CBLN2: variants seen among roughly 807,000 people sequenced by gnomAD.
The protein encoded by CBLN2 is cerebellin-2.
A neutral mutation model predicts 15.0 loss-of-function variants in CBLN2; 7 were observed. The observed-to-expected ratio is 0.47, with a 90% CI of 0.27 to 0.88. The LOEUF (loss-of-function observed/expected upper bound fraction) is 0.88. Among genes scored for constraint, CBLN2 ranks in the 40% least tolerant of loss-of-function variants. The pLI, the probability that CBLN2 is intolerant of heterozygous loss-of-function variation, is 0.14. For missense variants in CBLN2, 242 were observed against 304.5 expected (o/e 0.79, Z 1.53); for synonymous variants, 149 against 135.2 (o/e 1.10, Z -0.71).
At chr18:72,608,110 A>G (rs1364471834) in intron 1 of CBLN2, among the ~76,000 whole-genome samples, 1 of 152,282 alleles carries the variant, frequency 6.6e-6, no homozygotes, top group East Asian at 1.9e-4. Flanking sequence ...TTAGAATTAT[A>G]TGTGGTGAAT....
intron 4 of CBLN2, 45 bp downstream of exon 4, chr18:72,538,608 A>C (rs1477536877): frequency 6.2e-7 from 1 of 1,609,384 alleles, no homozygotes; most frequent in East Asian, 2.2e-5. Flanking sequence ...GCAATGGGGA[A>C]CTATTAACTC....
intron 1 of CBLN2, among the ~76,000 whole-genome samples, chr18:72,592,151 C>T (rs908566855): frequency 2.0e-5 from 3 of 152,100 alleles, no homozygotes; most frequent in Admixed American, 1.3e-4. Flanking sequence ...TTTACATTCT[C>T]ATCAGCATTT....
intron 1 of CBLN2, among the ~76,000 whole-genome samples, chr18:72,562,749 TA>T (rs1316421616): frequency 6.6e-6 from 1 of 152,246 alleles, no homozygotes; most frequent in Non-Finnish European, 1.5e-5. Context: ...GTCTGCCAAG[TA>T]TAATTTAGGT....
upstream of CBLN2, among the ~76,000 whole-genome samples, chr18:72,545,369 T>C (rs2069151050): frequency 6.6e-6 from 1 of 152,238 alleles, no homozygotes; most frequent in Non-Finnish European, 1.5e-5. Flanking sequence ...TAACCTAGCA[T>C]GCAAAATAGT....
chr18:72,621,968 A>G (rs145933397), intron 1 of CBLN2, among the ~76,000 whole-genome samples: 43 of 152,310 alleles, frequency 2.8e-4, no homozygotes, highest in African/African-American at 9.9e-4. Context: ...CACATTAATT[A>G]CATTGGACTG....
At chr18:72,619,371 C>G (rs2069684631) in intron 1 of CBLN2, 3 of 512,090 alleles carry the variant, frequency 5.9e-6, no homozygotes, top group African/African-American at 5.8e-5. Context: ...GACAAATACT[C>G]ATGTGTATGG....
chr18:72,637,508 G>A (rs549772745), intron 1 of CBLN2, among the ~76,000 whole-genome samples: 1 of 152,324 alleles, frequency 6.6e-6, no homozygotes, highest in Admixed American at 6.5e-5. Flanking sequence ...AATAGAAAGC[G>A]ACAGCAGCGT....
intron 1 of CBLN2, among the ~76,000 whole-genome samples, chr18:72,585,315 A>G (rs573813537): frequency 4.6e-5 from 7 of 152,216 alleles, no homozygotes; most frequent in Non-Finnish European, 8.8e-5. Context: ...CCTGTCCTGC[A>G]TCCAGGAAGA....
intron 1 of CBLN2, among the ~76,000 whole-genome samples, chr18:72,622,822 T>C (rs1050473688): frequency 1.3e-5 from 2 of 152,166 alleles, no homozygotes; most frequent in Admixed American, 6.6e-5. Flanking sequence ...CTCCGTGTTA[T>C]CAGATTTTAT....
intron 1 of CBLN2, among the ~76,000 whole-genome samples, chr18:72,565,260 G>A (rs1237416026): frequency 6.6e-6 from 1 of 151,988 alleles, no homozygotes; most frequent in African/African-American, 2.4e-5. Flanking sequence ...TGTCATGGTA[G>A]TAATACATAT....
At chr18:72,619,753 T>C (rs2069687288) in intron 1 of CBLN2, among the ~76,000 whole-genome samples, 2 of 152,220 alleles carry the variant, frequency 1.3e-5, no homozygotes, top group African/African-American at 2.4e-5. Context: ...TTTTAAAATA[T>C]GTTTGTTGTC....
rs2069132456 is a variant in CBLN2, at chr18:72,543,302, T to G, written c.-167+184A>C. On this transcript the variant is annotated intron_variant, in intron 2 of 4. Transcript: ENST00000269503. The surrounding 1 kb of genome is among the most constrained non-coding windows in gnomAD (Gnocchi z 6.8). ...AGCCTCCCATTAACTCTTCCAGTAT[T>G]CTTTCTAAGAACAGAGAAGTTGGCT... The G allele has an allele frequency of 7.9e-6, 3 of 379,308 alleles. No homozygotes were observed. Among genetic ancestry groups the G allele is most frequent in the African/African-American group, 4.2e-5 (2 of 48,026 alleles). 23.5% of individuals were successfully genotyped at this position (379,308 alleles called of 1,614,324 possible).
intron 1 of CBLN2, among the ~76,000 whole-genome samples, chr18:72,573,350 G>A (rs116059448): frequency 0.013 from 2,003 of 152,184 alleles, 41 homozygotes; most frequent in African/African-American, 0.045. Context: ...CAATTAAAAG[G>A]GAATTATTAA....
upstream of CBLN2, among the ~76,000 whole-genome samples, chr18:72,547,833 T>C (rs2069168146): frequency 2.0e-5 from 3 of 152,212 alleles, no homozygotes; most frequent in Admixed American, 2.0e-4. Context: ...TTTTTGATCG[T>C]TTAGTAAAGT....
intron 1 of CBLN2, among the ~76,000 whole-genome samples, chr18:72,627,326 T>C (rs942274586): frequency 1.3e-5 from 2 of 152,214 alleles, no homozygotes. Flanking sequence ...AGGAGTTTCT[T>C]TAAAAAGGAA....
chr18:72,587,486 A>C (rs1290524032), intron 1 of CBLN2, among the ~76,000 whole-genome samples: 2 of 152,114 alleles, frequency 1.3e-5, no homozygotes, highest in East Asian at 3.9e-4. Flanking sequence ...AATTAAGGTT[A>C]TTTAACTATA....
chr18:72,622,843 C>T (rs898818026), intron 1 of CBLN2, among the ~76,000 whole-genome samples: 3 of 152,122 alleles, frequency 2.0e-5, no homozygotes, highest in East Asian at 3.9e-4. Flanking sequence ...CCCTGCTTAT[C>T]GTCTTTGAGC....
intron 1 of CBLN2, among the ~76,000 whole-genome samples, chr18:72,592,329 C>T (rs2069485150): frequency 1.3e-5 from 2 of 151,746 alleles, no homozygotes; most frequent in African/African-American, 4.8e-5. Flanking sequence ...AGATCTTTGG[C>T]CCATTTTTAA....
intron 4 of CBLN2, 100 bp downstream of exon 4, chr18:72,538,553 T>A (rs187730276): frequency 6.6e-7 from 1 of 1,525,928 alleles, no homozygotes; most frequent in Non-Finnish European, 9.0e-7. Flanking sequence ...GACAGACCAG[T>A]ACCCTGTCTC....
Sources: allele counts gnomAD v4.1 joint callset (sites outside exome capture counted in the v4.1 genomes callset), GRCh38; gene constraint gnomAD v4.1.1; non-coding constraint Gnocchi (gnomAD v3.1); transcripts MANE v1.5; gene names NCBI Gene and HGNC (gene_info 2026-07-23, HGNC 2026-07-21).